The following CCL14 variants were observed in gnomAD, a reference collection of about 807,000 sequenced individuals.
The protein encoded by CCL14 is C-C motif chemokine 14.
In CCL14, 8 loss-of-function variants were observed where a neutral mutation model predicts 8.2. The ratio of observed to expected loss-of-function variants is 0.98; its 90% CI spans 0.57 to 1.76. The LOEUF (loss-of-function observed/expected upper bound fraction) is 1.76, where lower values mean the gene tolerates loss of function less well. Among genes scored for constraint, CCL14 ranks in the 40% most tolerant of loss-of-function variants. The probability of loss-of-function intolerance (pLI) is 0.00; values close to 1 mark genes in which losing one functional copy is unlikely to be tolerated. For missense variants in CCL14, 127 were observed against 118.3 expected, an observed-to-expected ratio of 1.07 and a Z score of -0.34; for synonymous variants, 50 against 43.2, an observed-to-expected ratio of 1.16 and a Z score of -0.62.
intron 2 of CCL14, 21 bp from the exon 3 acceptor site, chr17:35,983,909 G>A (rs1368524689): frequency 1.3e-6 from 2 of 1,592,832 alleles, no homozygotes; most frequent in African/African-American, 2.7e-5. Flanking sequence ...AGAGGGAGAA[G>A]GATCACAAAC....
intron 1 of CCL14, chr17:35,984,918 T>G (rs1292609728): frequency 8.5e-6 from 2 of 236,302 alleles, no homozygotes; most frequent in Admixed American, 5.2e-5. Context: ...CAGCCCCTCC[T>G]AGTGCTCCAC....
Position 35,986,642 on chromosome 17 carries a change from A to C in CCL14, c.8T>G (p.Ile3Ser). The change falls in exon 1 of 3, where the codon ATC becomes AGC. Residue 3 changes from isoleucine (I) to serine (S), a missense_variant. By Grantham distance (142) the Ile-to-Ser change is moderately radical (BLOSUM62 -2). Coordinates refer to ENST00000618404, the MANE Select transcript of CCL14 (RefSeq NM_032963.4). MK[I>S]SVAAIPFFLL... ...GAAGAAGGGAATGGCAGCCACGGAG[A>C]TCTTCATGCTGTGGGAAGCTGTTGT... The C allele has an allele frequency of 6.2e-7, 1 of 1,613,796 alleles. No homozygotes were observed. The highest frequency in any genetic ancestry group is 1.1e-5 in the South Asian group (1 of 91,074).
In CCL14 at chr17:35,986,637, C is replaced by T. The variant is rs779464556; in HGVS notation, c.13G>A (p.Val5Met). The T allele has an allele frequency of 1.1e-5, 18 of 1,613,708 alleles. No individual in the cohort carries two copies. The highest frequency in any genetic ancestry group is 8.8e-5 in the South Asian group (8 of 91,078). Residue 5 changes from valine to methionine, a missense_variant, in exon 1 of 3, where the codon GTG becomes ATG. Physicochemically the swap from Val to Met is conservative, Grantham distance 21 (BLOSUM62 1). Transcript: ENST00000618404. MKIS[V>M]AAIPFFLLIT... ...AGGAGGAAGAAGGGAATGGCAGCCA[C>T]GGAGATCTTCATGCTGTGGGAAGCT... is the stretch of plus-strand genomic sequence containing the variant.
At chr17:35,985,576 A>G in intron 1 of CCL14, 2 of 616,236 alleles carry the variant, frequency 3.2e-6, no homozygotes, top group Non-Finnish European at 5.8e-6. Context: ...GTCTGGGTGG[A>G]AGGGTCTCAT....
In CCL14 at chr17:35,983,858, A is replaced by C; in HGVS notation, c.225T>G (p.Cys75Trp). ...GGACCCACTTGTCACTGGGGTTGGT[A>C]CAGACGGAATGGCCCCTTTTGGTGA... ...VFITKRGHSV[C>W]TNPSDKWVQD... The change falls in exon 3 of 3, where the codon TGT becomes TGG. Residue 75 changes from cysteine (C) to tryptophan (W), a missense_variant. Transcript: ENST00000618404. 6.2e-7 allele frequency: 1 copy of C among 1,614,080 alleles called. No individual in the cohort carries two copies. Among genetic ancestry groups the C allele is most frequent in the Non-Finnish European group, 8.5e-7 (1 of 1,179,934 alleles).
In CCL14 at chr17:35,986,615, A is replaced by C. The variant is rs765869165; in HGVS notation, c.35T>G (p.Leu12Arg). Residue 12 changes from leucine (L) to arginine (R), a missense_variant, in exon 1 of 3, where the codon CTC becomes CGC. Physicochemically the swap from Leu to Arg is moderately radical, Grantham distance 102. Transcript: ENST00000618404. ...KISVAAIPFF[L>R]LITIALGTKT... ...GGTCCCTAGGGCGATGGTGATGAGG[A>C]GGAAGAAGGGAATGGCAGCCACGGA... The C allele has an allele frequency of 8.7e-6, 14 of 1,613,878 alleles. No homozygotes were observed. Among genetic ancestry groups the C allele is most frequent in the Non-Finnish European group, 1.2e-5 (14 of 1,179,986 alleles).
Position 35,986,725 on chromosome 17 carries a change from G to A in CCL14, c.-76C>T. ...GGCTCCTGCGGTGAGGAATTGTTGAGAAATGATCATTGAGGCCAAATATTT... is the reference window on the plus strand; with the variant it reads ...GGCTCCTGCGGTGAGGAATTGTTGAAAAATGATCATTGAGGCCAAATATTT... On this transcript the variant is annotated 5_prime_UTR_variant, in exon 1 of 3. Coordinates refer to ENST00000618404, the MANE Select transcript of CCL14 (RefSeq NM_032963.4). The A allele has an allele frequency of 9.1e-6, 10 of 1,097,876 alleles. No homozygotes were observed. Among genetic ancestry groups the A allele is most frequent in the Non-Finnish European group, 1.4e-5 (10 of 715,418 alleles). The allele number at this position is 1,097,876 out of a possible 1,614,324, so 68.0% of individuals were successfully genotyped here.
rs865779088 is a variant in CCL14 at position 35,983,725 on chromosome 17, G to A, written c.*76C>T. Reference sequence around the variant, plus strand: ...AGGGTGACTGGGGCTGAGAGTTAGCGGTGGGTGGAGGAGGGGGCCTTGGCA... The same window carrying A: ...AGGGTGACTGGGGCTGAGAGTTAGCAGTGGGTGGAGGAGGGGGCCTTGGCA... On this transcript the variant is annotated 3_prime_UTR_variant, in exon 3 of 3. Coordinates refer to ENST00000618404, the MANE Select transcript of CCL14 (RefSeq NM_032963.4). The A allele has an allele frequency of 6.3e-5, 62 of 982,710 alleles. No individual in the cohort carries two copies. The African/African-American group carries it at 6.4e-4, about 10-fold the overall frequency. 60.9% of individuals were successfully genotyped at this position (982,710 alleles called of 1,614,324 possible).
In CCL14 at chr17:35,985,678, A is replaced by G. The variant is rs1568457913; in HGVS notation, c.79+893T>C. 2.9e-6 allele frequency: 4 copies of G among 1,376,936 alleles called. No individual in the cohort carries two copies. The East Asian group carries it at 7.5e-5, about 26-fold the overall frequency. The allele number at this position is 1,376,936 out of a possible 1,614,324, so 85.3% of individuals were successfully genotyped here. ...TTCCTGAGACCCAGTCAGAGCTCCT[A>G]TACTCTCCCACCTTGTTCCTCTGAG... On this transcript the variant is annotated intron_variant, in intron 1 of 2. Transcript: ENST00000618404.
chr17:35,984,270 C>T, intron 2 of CCL14, 68 bp downstream of exon 2: 3 of 1,169,618 alleles, frequency 2.6e-6, no homozygotes, highest in Non-Finnish European at 3.9e-6. Context: ...CACCACCACT[C>T]CCTGCTTCCC....
At chr17:35,984,715 C>T in intron 1 of CCL14, 2 of 560,772 alleles carry the variant, frequency 3.6e-6, no homozygotes, top group Non-Finnish European at 6.3e-6. Flanking sequence ...TGACTTTCAA[C>T]TCCAGGATTG....
At position 35,983,489 on chromosome 17, in the gene CCL14, T is replaced by G. The variant is rs559430822; in HGVS notation, c.*312A>C. 2.9e-6 allele frequency: 1 copy of G among 347,634 alleles called. No homozygotes were observed. Among genetic ancestry groups the G allele is most frequent in the East Asian group, 4.9e-5 (1 of 20,396 alleles). The allele number at this position is 347,634 out of a possible 1,614,324, so 21.5% of individuals were successfully genotyped here. A position where few individuals can be genotyped will look rare whatever the true frequency, so the allele number is the denominator to read the frequency against. On this transcript the variant is annotated 3_prime_UTR_variant, in exon 3 of 3. Transcript: ENST00000618404. The stretch of plus-strand genomic sequence containing the variant: ...GGAGACGGTCTTTACACTGCTTTTC[T>G]TTCTCACTTTCTGCTTCTCACTACC...
Position 35,983,549 on chromosome 17 carries a change from C to G in CCL14, c.*252G>C. On this transcript the variant is annotated 3_prime_UTR_variant, in exon 3 of 3. Transcript: ENST00000618404. ...GGCCTGACCTATTTTTTGTACCAGGCTCCAGCAAAACTTCTGCAGAGCGAG... is the reference window on the plus strand; with the variant it reads ...GGCCTGACCTATTTTTTGTACCAGGGTCCAGCAAAACTTCTGCAGAGCGAG... 2.2e-6 allele frequency: 1 copy of G among 451,130 alleles called. No individual in the cohort carries two copies. Among genetic ancestry groups the G allele is most frequent in the Non-Finnish European group, 3.9e-6 (1 of 253,928 alleles). 27.9% of individuals were successfully genotyped at this position (451,130 alleles called of 1,614,324 possible).
chr17:35,986,332 T>C (rs978600873), intron 1 of CCL14: 29 of 517,414 alleles, frequency 5.6e-5, no homozygotes, highest in African/African-American at 1.9e-5. Flanking sequence ...ACTTAAACTC[T>C]TAAGCAGAAC....
At chr17:35,986,354 A>T in intron 1 of CCL14, 1 of 570,340 alleles carries the variant, frequency 1.8e-6, no homozygotes, top group Non-Finnish European at 3.1e-6. Context: ...TACAGTCCTA[A>T]GTCTCATCTC....
At chr17:35,986,352 T>G in intron 1 of CCL14, 1 of 569,618 alleles carries the variant, frequency 1.8e-6, no homozygotes, top group Non-Finnish European at 3.1e-6. Context: ...CCTACAGTCC[T>G]AAGTCTCATC....
intron 1 of CCL14, chr17:35,985,873 C>G: frequency 1.6e-6 from 2 of 1,239,282 alleles, no homozygotes; most frequent in South Asian, 1.3e-5. Flanking sequence ...TCTAAGAAAT[C>G]AGCTGAGAAA....
At position 35,983,512 on chromosome 17, in the gene CCL14, A is replaced by G; in HGVS notation, c.*289T>C. 5.0e-6 allele frequency: 2 copies of G among 396,156 alleles called. No homozygotes were observed. The highest frequency in any genetic ancestry group is 3.9e-5 in the Admixed American group (1 of 25,526). 24.5% of individuals were successfully genotyped at this position (396,156 alleles called of 1,614,324 possible). On this transcript the variant is annotated 3_prime_UTR_variant, in exon 3 of 3. Transcript: ENST00000618404. ...TCTTTCTCACTTTCTGCTTCTCACT[A>G]CCTGCATTGCAGGCCTGACCTATTT...
intron 1 of CCL14, chr17:35,986,003 A>G: frequency 1.8e-6 from 1 of 568,654 alleles, no homozygotes; most frequent in Non-Finnish European, 3.1e-6. Flanking sequence ...TCAGGAGGCC[A>G]ATAGAAAAAT....
Sources: gnomAD v4.1 joint callset for allele counts on GRCh38, gnomAD v4.1.1 for gene constraint, MANE v1.5 for transcripts, NCBI Gene and HGNC (gene_info 2026-07-23, HGNC 2026-07-21) for gene names.